The following GSG1L variants were observed in gnomAD, a reference collection of about 807,000 sequenced individuals.
GSG1L encodes germ cell-specific gene 1-like protein.
In GSG1L, 24 loss-of-function variants were observed where a neutral mutation model predicts 42.1. That is an observed-to-expected ratio of 0.57 (90% CI 0.41 to 0.80). The LOEUF is 0.80. Ranked by LOEUF, GSG1L falls within the 30% of genes least tolerant of loss-of-function variation. The probability of loss-of-function intolerance (pLI) is 0.00; values close to 1 mark genes in which losing one functional copy is unlikely to be tolerated. For missense variants in GSG1L, 445 were observed against 472.2 expected (o/e 0.94, Z 0.53); for synonymous variants, 215 against 203.5 (o/e 1.06, Z -0.48).
At position 28,045,223 on chromosome 16, in the gene GSG1L, A is replaced by G. The variant is rs554585840; in HGVS notation, c.349+17853T>C. 8.5e-5 allele frequency among the ~76,000 whole-genome samples: 13 copies of G among 152,304 alleles called. No individual in the cohort carries two copies. In the East Asian group the frequency reaches 2.5e-3, roughly 29 times the overall value. On this transcript the variant is annotated intron_variant, in intron 1 of 6. Transcript: ENST00000447459. ...TAATGTAAACCGTGGACTTTGGGTG[A>G]TAGTGACATGCCAGTGAAGGCCCAT... is the stretch of plus-strand genomic sequence containing the variant.
At chr16:27,902,927 C>A (rs1163583639) in intron 2 of GSG1L, among the ~76,000 whole-genome samples, 1 of 152,066 alleles carries the variant, frequency 6.6e-6, no homozygotes, top group East Asian at 1.9e-4. Context: ...TGCCATGCTG[C>A]AGCTGGGAGG....
At chr16:27,804,009 G>A (rs2082923097) in intron 6 of GSG1L, among the ~76,000 whole-genome samples, 1 of 145,952 alleles carries the variant, frequency 6.9e-6, no homozygotes, top group African/African-American at 2.5e-5. Flanking sequence ...AATAATAGAT[G>A]GATGATGGAT....
chr16:27,885,056 A>G lies in GSG1L; in HGVS notation c.398-418T>C, dbSNP rs373340394. ...TCGGAGCTGCCCTGTTCTGGGTTTC[A>G]TGAAATAAACTGCTGTATTGTTAGG... is the stretch of plus-strand genomic sequence containing the variant. On this transcript the variant is annotated intron_variant, in intron 2 of 6. Transcript: ENST00000447459. 3.9e-5 allele frequency among the ~76,000 whole-genome samples: 6 copies of G among 152,172 alleles called. No homozygotes were observed. In the East Asian group the frequency reaches 1.2e-3, roughly 29 times the overall value.
At chr16:27,980,395 G>A (rs2085312182) in intron 1 of GSG1L, among the ~76,000 whole-genome samples, 1 of 152,206 alleles carries the variant, frequency 6.6e-6, no homozygotes, top group African/African-American at 2.4e-5. Context: ...AGGAGGTGGG[G>A]AGAGGCGGGG....
intron 3 of GSG1L, among the ~76,000 whole-genome samples, chr16:27,864,658 G>A (rs191204410): frequency 1.2e-4 from 19 of 152,304 alleles, no homozygotes; most frequent in African/African-American, 3.8e-4. Flanking sequence ...ACAAGTTTCC[G>A]CCCCTTGGAC....
intron 3 of GSG1L, chr16:27,850,357 T>C: frequency 2.7e-6 from 1 of 364,744 alleles, no homozygotes; most frequent in South Asian, 2.1e-5. Flanking sequence ...TAAGCTGGGA[T>C]AGCAAGCAAA....
At chr16:27,911,258 T>C (rs2084384141) in intron 2 of GSG1L, among the ~76,000 whole-genome samples, 1 of 112,260 alleles carries the variant, frequency 8.9e-6, no homozygotes, top group African/African-American at 3.3e-5. Context: ...CCTCATCACC[T>C]CTCTCTCGCT....
intron 1 of GSG1L, among the ~76,000 whole-genome samples, chr16:28,052,838 G>A (rs1437841376): frequency 6.6e-6 from 1 of 152,264 alleles, no homozygotes; most frequent in African/African-American, 2.4e-5. Context: ...AGATCCCCAT[G>A]TGGAGAGATC....
chr16:27,981,683 G>C (rs1434835038), intron 1 of GSG1L, among the ~76,000 whole-genome samples: 6 of 152,160 alleles, frequency 3.9e-5, no homozygotes, highest in Admixed American at 2.6e-4. Context: ...TCTACAAATG[G>C]ATGAAATACT....
rs77797535 is a variant in GSG1L at position 27,829,295 on chromosome 16, G to A, written c.663-339C>T. Among the ~76,000 whole-genome samples the A allele has an allele frequency of 1.1e-4, 16 of 152,188 alleles. No homozygotes were observed. The East Asian group carries it at 1.4e-3, about 13-fold the overall frequency. On this transcript the variant is annotated intron_variant, in intron 4 of 6. Transcript: ENST00000447459. Reference sequence around the variant, plus strand: ...CTGGTAAGGAGAGTGAGAGTTGGCCGGGGGAAAGGGCATTCCAGGAGAAGG... The same window carrying A: ...CTGGTAAGGAGAGTGAGAGTTGGCCAGGGGAAAGGGCATTCCAGGAGAAGG...
intron 3 of GSG1L, among the ~76,000 whole-genome samples, chr16:27,854,571 G>A (rs1043060603): frequency 1.3e-5 from 2 of 152,162 alleles, no homozygotes; most frequent in Non-Finnish European, 2.9e-5. Flanking sequence ...GAGTTGGGCC[G>A]TGTGCTCACA....
chr16:27,806,518 G>A (rs1597462888), intron 6 of GSG1L, among the ~76,000 whole-genome samples: 1 of 152,318 alleles, frequency 6.6e-6, no homozygotes, highest in East Asian at 1.9e-4. Flanking sequence ...GGGATGGGAG[G>A]GGAGAGCCAC....
chr16:28,022,479 A>ATTTT (rs11318488), intron 1 of GSG1L, among the ~76,000 whole-genome samples: 122 of 141,860 alleles, frequency 8.6e-4, no homozygotes, highest in African/African-American at 2.8e-3. Context: ...CAACCAGCTA[A>ATTTT]TTTTTTTTTT....
chr16:27,876,578 C>T (rs540668296), intron 3 of GSG1L, among the ~76,000 whole-genome samples: 2 of 152,330 alleles, frequency 1.3e-5, no homozygotes, highest in Admixed American at 6.5e-5. Context: ...CCACATGCTG[C>T]CTGGCTCCTG....
intron 1 of GSG1L, among the ~76,000 whole-genome samples, chr16:27,965,754 C>T (rs945012688): frequency 1.3e-5 from 2 of 152,236 alleles, no homozygotes; most frequent in Non-Finnish European, 2.9e-5. Flanking sequence ...CATCAGTTCC[C>T]ACCAGGATCA....
chr16:27,799,091 T>G (rs756195390), intron 6 of GSG1L, among the ~76,000 whole-genome samples: 2 of 152,080 alleles, frequency 1.3e-5, no homozygotes, highest in Non-Finnish European at 2.9e-5. Flanking sequence ...TCCATTTCAC[T>G]GAGGAGAGGC....
intron 6 of GSG1L, among the ~76,000 whole-genome samples, chr16:27,804,031 T>TGGA (rs1372373440): frequency 5.1e-5 from 3 of 58,672 alleles, no homozygotes; most frequent in Non-Finnish European, 1.0e-4. Flanking sequence ...AATAGATAGA[T>TGGA]TAGATGGATA....
intron 1 of GSG1L, among the ~76,000 whole-genome samples, chr16:27,986,858 C>T (rs7200393): frequency 0.73 from 111,653 of 152,194 alleles, 41,194 homozygotes; most frequent in South Asian, 0.88. Flanking sequence ...TTAATGGGCT[C>T]CGCCCTGAAC....
intron 1 of GSG1L, among the ~76,000 whole-genome samples, chr16:28,056,481 AG>A (rs71389522): frequency 3.1e-4 from 13 of 42,264 alleles, no homozygotes; most frequent in African/African-American, 4.0e-4. Context: ...GGGTGGGGGG[AG>A]GGGGGAGGGA....
Sources: allele counts gnomAD v4.1 joint callset (sites outside exome capture counted in the v4.1 genomes callset), GRCh38; gene constraint gnomAD v4.1.1; transcripts MANE v1.5; gene names NCBI Gene and HGNC (gene_info 2026-07-23, HGNC 2026-07-21).